The following NAA35 variants were observed in gnomAD, a reference collection of about 807,000 sequenced individuals.
NAA35 encodes the protein MAK10 homolog, amino-acid N-acetyltransferase subunit.
A neutral mutation model predicts 101.7 loss-of-function variants in NAA35; 18 were observed. The ratio of observed to expected loss-of-function variants is 0.18; its 90% CI spans 0.12 to 0.26. NAA35 has a LOEUF of 0.26. Among genes scored for constraint, NAA35 ranks in the 10% least tolerant of loss-of-function variants. The probability of loss-of-function intolerance (pLI) is 1.00; values close to 1 mark genes in which losing one functional copy is unlikely to be tolerated. For synonymous variants in NAA35, 267 were observed against 273.1 expected (o/e 0.98, Z 0.22); for missense variants, 601 against 886.8 (o/e 0.68, Z 4.09).
intron 17 of NAA35, 48 bp downstream of exon 17, chr9:86,013,945 G>T: frequency 7.4e-7 from 1 of 1,343,774 alleles, no homozygotes; most frequent in Non-Finnish European, 1.0e-6. Context: ...CAATGGATAA[G>T]ATCTGAGAAT....
chr9:86,003,532 T>A (rs1831503398), intron 12 of NAA35, 53 bp from the exon 13 acceptor site: 2 of 1,088,722 alleles, frequency 1.8e-6, no homozygotes, highest in Non-Finnish European at 2.7e-6. Context: ...GAAGTGTTTT[T>A]AGCTTTTATT....
At chr9:85,982,327 A>G (rs1830469887) in intron 11 of NAA35, among the ~76,000 whole-genome samples, 1 of 152,190 alleles carries the variant, frequency 6.6e-6, no homozygotes, top group African/African-American at 2.4e-5. Flanking sequence ...TTGTTGTTGA[A>G]GGAAGAAAGG....
At position 85,989,010 on chromosome 9, in the gene NAA35, C is replaced by T. The variant is rs138131389; in HGVS notation, c.878-7389C>T. 5.2e-3 allele frequency among the ~76,000 whole-genome samples: 790 copies of T among 152,212 alleles called. 4 individuals are homozygous for T. Among genetic ancestry groups the T allele is most frequent in the African/African-American group, 0.018 (754 of 41,518 alleles). On this transcript the variant is annotated intron_variant, in intron 11 of 22. Transcript: ENST00000361671. ...AACTAGAATTAAATCCATGAGTGTCCATTGAAAGAGTATAATGTGTTCCAG... is the reference window on the plus strand; with the variant it reads ...AACTAGAATTAAATCCATGAGTGTCTATTGAAAGAGTATAATGTGTTCCAG...
intron 11 of NAA35, among the ~76,000 whole-genome samples, chr9:85,984,273 G>A (rs1222358157): frequency 2.0e-5 from 3 of 152,164 alleles, no homozygotes; most frequent in Non-Finnish European, 4.4e-5. Flanking sequence ...AGGCTACAGT[G>A]AGCTATGATT....
intron 6 of NAA35, among the ~76,000 whole-genome samples, chr9:85,966,968 G>A (rs112851415): frequency 1.3e-5 from 2 of 152,112 alleles, no homozygotes; most frequent in East Asian, 1.9e-4. Flanking sequence ...TTAGCTAGGC[G>A]TAGTGGCACA....
rs539524340 is a variant in NAA35, at chr9:86,011,951, T to C, written c.1291-1095T>C. ...ATATATACTATAATATATAATATAG[T>C]ATATAATATATAATGTATATAATAT... On this transcript the variant is annotated intron_variant, in intron 15 of 22. Transcript: ENST00000361671. 2.3e-3 allele frequency among the ~76,000 whole-genome samples: 329 copies of C among 140,146 alleles called. 1 individual carries two copies. The highest frequency in any genetic ancestry group is 8.5e-3 in the African/African-American group (317 of 37,194). The allele number at this position is 140,146 out of a possible 152,430, so 91.9% of individuals were successfully genotyped here.
chr9:85,952,911 A>C (rs1223121458), intron 2 of NAA35, among the ~76,000 whole-genome samples: 1 of 152,174 alleles, frequency 6.6e-6, no homozygotes, highest in African/African-American at 2.4e-5. Context: ...ATTAAACAAC[A>C]TAATATTTAC....
At chr9:85,982,664 C>T (rs1319632742) in intron 11 of NAA35, among the ~76,000 whole-genome samples, 1 of 152,098 alleles carries the variant, frequency 6.6e-6, no homozygotes, top group African/African-American at 2.4e-5. Flanking sequence ...AAATCTAACA[C>T]ACAGTTTCAA....
chr9:85,960,771 A>T (rs757051774), intron 5 of NAA35, among the ~76,000 whole-genome samples: 2 of 152,222 alleles, frequency 1.3e-5, no homozygotes, highest in African/African-American at 4.8e-5. Context: ...AAATGCTTTT[A>T]TGACGGTGCC....
intron 2 of NAA35, among the ~76,000 whole-genome samples, chr9:85,954,428 C>T (rs1829150241): frequency 1.3e-5 from 2 of 152,198 alleles, no homozygotes; most frequent in Admixed American, 1.3e-4. Context: ...TCCACAGTGT[C>T]TCGACCATTT....
At chr9:85,944,404 A>G (rs1828665470) in intron 2 of NAA35, among the ~76,000 whole-genome samples, 1 of 152,240 alleles carries the variant, frequency 6.6e-6, no homozygotes. Context: ...GATTAGGATG[A>G]AAAGAGTCTA....
intron 12 of NAA35, among the ~76,000 whole-genome samples, chr9:85,998,131 G>T (rs1202617834): frequency 6.6e-6 from 1 of 152,040 alleles, no homozygotes; most frequent in Non-Finnish European, 1.5e-5. Context: ...AGCCAGGATG[G>T]TCTTGATTTC....
chr9:85,989,149 T>C (rs1301303436), intron 11 of NAA35, among the ~76,000 whole-genome samples: 2 of 152,152 alleles, frequency 1.3e-5, no homozygotes, highest in East Asian at 1.9e-4. Flanking sequence ...CAGAAAGTAG[T>C]GTAACAATAT....
At chr9:86,007,212 T>A (rs1298166443) in intron 13 of NAA35, 146 bp from the exon 14 acceptor site, 1 of 483,502 alleles carries the variant, frequency 2.1e-6, no homozygotes, top group African/African-American at 2.0e-5. Context: ...ACACTCATTG[T>A]GGAGACAGCA....
intron 11 of NAA35, among the ~76,000 whole-genome samples, chr9:85,992,374 A>G (rs1240198353): frequency 6.6e-6 from 1 of 152,114 alleles, no homozygotes; most frequent in East Asian, 1.9e-4. Context: ...AATGAAATGG[A>G]CAGTTTGATG....
chr9:85,952,295 T>G (rs1157970984), intron 2 of NAA35, among the ~76,000 whole-genome samples: 2 of 151,608 alleles, frequency 1.3e-5, no homozygotes, highest in South Asian at 2.1e-4. Context: ...TTTGTTTTTT[T>G]TTTTTTTGAG....
chr9:85,953,376 AC>A (rs2118306958), intron 2 of NAA35, among the ~76,000 whole-genome samples: 1 of 151,694 alleles, frequency 6.6e-6, no homozygotes, highest in South Asian at 2.1e-4. Flanking sequence ...ACAAACGGTA[AC>A]TCTTCATCAT....
intron 11 of NAA35, among the ~76,000 whole-genome samples, chr9:85,980,415 C>A (rs1830389808): frequency 6.6e-6 from 1 of 152,122 alleles, no homozygotes; most frequent in African/African-American, 2.4e-5. Flanking sequence ...ATCTGCCCTA[C>A]CCTGAAACTA....
chr9:85,961,984 T>C (rs1229848486), intron 5 of NAA35, 29 bp from the exon 6 acceptor site: 5 of 1,571,498 alleles, frequency 3.2e-6, no homozygotes, highest in Non-Finnish European at 4.3e-6. Flanking sequence ...TTTATCACCT[T>C]AAATATATAC....
Sources: gnomAD v4.1 joint callset for allele counts (sites outside exome capture counted in the v4.1 genomes callset) on GRCh38, gnomAD v4.1.1 for gene constraint, MANE v1.5 for transcripts, NCBI Gene and HGNC (gene_info 2026-07-23, HGNC 2026-07-21) for gene names.